SCAPER: variants seen among roughly 807,000 people sequenced by gnomAD.
The protein encoded by SCAPER is S-phase cyclin A associated protein in the ER, also known as S phase cyclin A-associated protein in the endoplasmic reticulum.
Under a neutral mutation model 182.2 loss-of-function variants are expected in SCAPER, and 98 were observed. That is an observed-to-expected ratio of 0.54 (90% CI 0.46 to 0.64). The LOEUF is 0.64. Among genes scored for constraint, SCAPER ranks in the 30% least tolerant of loss-of-function variants. The pLI, the probability that SCAPER is intolerant of heterozygous loss-of-function variation, is 0.00. For missense variants in SCAPER, 1,432 were observed against 1,690.0 expected, an observed-to-expected ratio of 0.85 and a Z score of 2.68; for synonymous variants, 605 against 564.6, an observed-to-expected ratio of 1.07 and a Z score of -1.01.
At chr15:76,723,898 A>C (rs535270577) in intron 17 of SCAPER, among the ~76,000 whole-genome samples, 2 of 152,204 alleles carry the variant, frequency 1.3e-5, no homozygotes, top group African/African-American at 4.8e-5. Context: ...TGTGACTTTT[A>C]ATTGGAGCAT....
intron 27 of SCAPER, among the ~76,000 whole-genome samples, chr15:76,402,070 T>C (rs2044499333): frequency 6.6e-6 from 1 of 152,166 alleles, no homozygotes; most frequent in South Asian, 2.1e-4. Context: ...GAGGTTGCAG[T>C]GAGCTGAGAT....
intron 22 of SCAPER, among the ~76,000 whole-genome samples, chr15:76,611,452 A>G (rs1462511672): frequency 2.0e-5 from 3 of 152,168 alleles, no homozygotes; most frequent in African/African-American, 2.4e-5. Flanking sequence ...ACCACCCAAA[A>G]AAAAGCCCAG....
chr15:76,666,527 C>T (rs35498563), intron 20 of SCAPER, among the ~76,000 whole-genome samples: 58,053 of 151,982 alleles, frequency 0.38, 13,094 homozygotes, highest in Middle Eastern at 0.52. Flanking sequence ...AATCCTAAAT[C>T]CAACTCTCTC....
chr15:76,763,512 T>C (rs987145041), intron 14 of SCAPER, among the ~76,000 whole-genome samples: 1 of 150,044 alleles, frequency 6.7e-6, no homozygotes. Flanking sequence ...GGATATCTGT[T>C]TTGTTCTCCA....
intron 23 of SCAPER, among the ~76,000 whole-genome samples, chr15:76,562,109 T>C (rs914493999): frequency 5.3e-5 from 7 of 132,374 alleles, no homozygotes; most frequent in Non-Finnish European, 1.1e-4. Context: ...GACTGCACCA[T>C]TGCACTACAG....
At chr15:76,405,047 A>G (rs1433470700) in intron 26 of SCAPER, among the ~76,000 whole-genome samples, 3 of 151,702 alleles carry the variant, frequency 2.0e-5, no homozygotes, top group Non-Finnish European at 2.9e-5. Flanking sequence ...GGTAGCCCCA[A>G]TGCAAGGATT....
intron 1 of SCAPER, among the ~76,000 whole-genome samples, chr15:76,898,632 C>T (rs1177915647): frequency 1.3e-5 from 2 of 152,132 alleles, no homozygotes; most frequent in Admixed American, 1.3e-4. Context: ...ATGGAAGAAG[C>T]CAGACACAAA....
intron 23 of SCAPER, among the ~76,000 whole-genome samples, chr15:76,528,200 A>G (rs1475007662): frequency 6.6e-6 from 1 of 152,210 alleles, no homozygotes; most frequent in African/African-American, 2.4e-5. Flanking sequence ...GATTTGGTCC[A>G]TGGGCTATAG....
At chr15:76,903,730 G>A (rs1218750913) in intron 1 of SCAPER, among the ~76,000 whole-genome samples, 1 of 152,180 alleles carries the variant, frequency 6.6e-6, no homozygotes, top group African/African-American at 2.4e-5. Context: ...TATTTTTAAT[G>A]CAGCTCAAGG....
At chr15:76,674,737 C>A (rs1451484769) in intron 20 of SCAPER, among the ~76,000 whole-genome samples, 1 of 152,124 alleles carries the variant, frequency 6.6e-6, no homozygotes, top group African/African-American at 2.4e-5. Context: ...AAATAAATTT[C>A]TATGTTCTTA....
intron 24 of SCAPER, among the ~76,000 whole-genome samples, chr15:76,495,626 C>G (rs2040428150): frequency 6.8e-6 from 1 of 147,302 alleles, no homozygotes; most frequent in Non-Finnish European, 1.5e-5. Context: ...ATGCAATGCT[C>G]TGAAAATGTG....
rs1013569796 is a variant in SCAPER at position 76,574,208 on chromosome 15, A to G, written c.2788T>C (p.Ser930Pro). Residue 930 changes from serine (S) to proline (P), a missense_variant, in exon 23 of 32, where the codon TCT (serine) becomes CCT (proline). By Grantham distance (74) the Ser-to-Pro change is moderately conservative. Around this residue, in one of 5 missense-constraint regions of SCAPER, gnomAD observed 718 missense variants for 799.7 expected, o/e 0.90. Coordinates refer to ENST00000563290, the MANE Select transcript of SCAPER (RefSeq NM_020843.4). Reference protein sequence around the residue: ...DSGSWANNKVSALDRTLGEIT... With the variant: ...DSGSWANNKVPALDRTLGEIT... Reference sequence around the variant, plus strand: ...TCTCCTAGGGTCCGATCCAAAGCAGACACTTTATTGTTTGCCCATGAGCCA... The same window carrying G: ...TCTCCTAGGGTCCGATCCAAAGCAGGCACTTTATTGTTTGCCCATGAGCCA... 1.2e-6 allele frequency: 2 copies of G among 1,611,246 alleles called. No individual in the cohort carries two copies. Among genetic ancestry groups the G allele is most frequent in the African/African-American group, 1.3e-5 (1 of 74,994 alleles).
At chr15:76,460,055 C>T (rs1264776285) in intron 25 of SCAPER, among the ~76,000 whole-genome samples, 2 of 152,008 alleles carry the variant, frequency 1.3e-5, no homozygotes, top group African/African-American at 2.4e-5. Context: ...CAACATCATG[C>T]TGTTTTGGTT....
intron 2 of SCAPER, among the ~76,000 whole-genome samples, chr15:76,879,344 C>G (rs1270979408): frequency 6.6e-6 from 1 of 152,052 alleles, no homozygotes; most frequent in Non-Finnish European, 1.5e-5. Context: ...ACCTTTTGTC[C>G]CTAACTCCAG....
At chr15:76,532,452 T>C (rs1039421366) in intron 23 of SCAPER, among the ~76,000 whole-genome samples, 14 of 151,986 alleles carry the variant, frequency 9.2e-5, no homozygotes, top group South Asian at 2.1e-4. Flanking sequence ...TCCTCGTGCC[T>C]TGGCCTCCCA....
chr15:76,686,092 T>C (rs1018785727), intron 20 of SCAPER, among the ~76,000 whole-genome samples: 1 of 152,030 alleles, frequency 6.6e-6, no homozygotes, highest in African/African-American at 2.4e-5. Flanking sequence ...TTGAAATTAA[T>C]ATTTTTCCTA....
rs141689208 is a variant in SCAPER at position 76,470,376 on chromosome 15, G to T, written c.3078+836C>A. Among the ~76,000 whole-genome samples the T allele has an allele frequency of 1.4e-3, 220 of 152,216 alleles. 2 individuals are homozygous for T. The highest frequency in any genetic ancestry group is 4.8e-3 in the African/African-American group (200 of 41,528). ...AACCTGAATCTGGGGAAAGAGTCAG[G>T]CTGGGGAAGATCTCATGAAGAAGGT... On this transcript the variant is annotated intron_variant, in intron 25 of 31. Coordinates refer to ENST00000563290, the MANE Select transcript of SCAPER (RefSeq NM_020843.4).
intron 22 of SCAPER, among the ~76,000 whole-genome samples, chr15:76,611,808 T>TTA (rs1567596827): frequency 6.6e-6 from 1 of 152,190 alleles, no homozygotes; most frequent in Non-Finnish European, 1.5e-5. Context: ...TCAATAAATA[T>TTA]TATTCATCAC....
chr15:76,787,964 C>A (rs758781645), intron 8 of SCAPER, among the ~76,000 whole-genome samples: 1 of 152,130 alleles, frequency 6.6e-6, no homozygotes, highest in East Asian at 1.9e-4. Flanking sequence ...CTAGAATACA[C>A]AGAGAACTCT....
Sources: gnomAD v4.1 joint callset for allele counts (sites outside exome capture counted in the v4.1 genomes callset) on GRCh38, gnomAD v4.1.1 for gene constraint, gnomAD v4.1.1 regional missense constraint, MANE v1.5 for transcripts, NCBI Gene and HGNC (gene_info 2026-07-23, HGNC 2026-07-21) for gene names.